Variants in SMAD2 observed in about 807,000 individuals in gnomAD.
SMAD2 encodes the protein MAD homolog 2.
SMAD2 carries 8 observed loss-of-function variants against 64.4 expected under a neutral mutation model. That is an observed-to-expected ratio of 0.12 (90% CI 0.07 to 0.22). The LOEUF is 0.22. SMAD2 is among the 10% of genes least tolerant of loss of function. SMAD2 has a pLI of 1.00. For synonymous variants in SMAD2, 203 were observed against 195.8 expected (o/e 1.04, Z -0.31); for missense variants, 289 against 561.2 (o/e 0.51, Z 4.90).
rs1912523903 is a variant in SMAD2 at position 47,820,265 on chromosome 18, G to A, written c.*21562C>T. 6.6e-6 allele frequency: 1 copy of A among 152,136 alleles called. No individual in the cohort carries two copies. Among genetic ancestry groups the A allele is most frequent in the Admixed American group, 6.5e-5 (1 of 15,278 alleles). The allele number at this position is 152,136 out of a possible 1,614,324, so 9.4% of individuals were successfully genotyped here. A position where few individuals can be genotyped will look rare whatever the true frequency, so the allele number is the denominator to read the frequency against. ...ATAATATGGTTCTCATTTATAAAAT[G>A]CTGATATAACACTTCAAAATTTTGC... On this transcript the variant is annotated 3_prime_UTR_variant, in exon 11 of 11. Coordinates refer to ENST00000262160, the MANE Select transcript of SMAD2 (RefSeq NM_005901.6).
intron 5 of SMAD2, among the ~76,000 whole-genome samples, chr18:47,867,827 G>A (rs1419840806): frequency 1.3e-5 from 2 of 152,064 alleles, no homozygotes; most frequent in East Asian, 1.9e-4. Flanking sequence ...GAGGTTTTCT[G>A]ACGTTCGTGT....
intron 6 of SMAD2, among the ~76,000 whole-genome samples, chr18:47,852,951 G>C (rs2030267720): frequency 6.6e-6 from 1 of 152,016 alleles, no homozygotes; most frequent in Non-Finnish European, 1.5e-5. Context: ...TTTCTTTTAT[G>C]ATCATCATTC....
chr18:47,918,399 G>A (rs561325899), intron 1 of SMAD2, among the ~76,000 whole-genome samples: 19 of 152,082 alleles, frequency 1.2e-4, no homozygotes, highest in Non-Finnish European at 1.8e-4. Flanking sequence ...GTACCTGACC[G>A]ACCCAGGAGG....
At chr18:47,899,909 C>G (rs997979902) in intron 1 of SMAD2, among the ~76,000 whole-genome samples, 1 of 152,032 alleles carries the variant, frequency 6.6e-6, no homozygotes, top group African/African-American at 2.4e-5. Flanking sequence ...CTTTAAGAAC[C>G]CATAAACAGT....
chr18:47,838,296 T>G lies in SMAD2; in HGVS notation c.*3531A>C, dbSNP rs1018258994. 4 of 233,088 alleles carry G rather than the reference T, an allele frequency of 1.7e-5. No individual in the cohort carries two copies. The highest frequency in any genetic ancestry group is 8.8e-5 in the African/African-American group (4 of 45,338). 14.4% of individuals were successfully genotyped at this position (233,088 alleles called of 1,614,324 possible). ...AAAATACAACTAGGTATTAAACAAT[T>G]TGTAAAAACTTACAAAGAAAATTTA... On this transcript the variant is annotated 3_prime_UTR_variant, in exon 11 of 11. Transcript: ENST00000262160.
chr18:47,925,781 A>G (rs2034737920), intron 1 of SMAD2, among the ~76,000 whole-genome samples: 1 of 152,242 alleles, frequency 6.6e-6, no homozygotes, highest in South Asian at 2.1e-4. Context: ...ACCAATAATT[A>G]TCTGATGGTG....
intron 1 of SMAD2, among the ~76,000 whole-genome samples, chr18:47,920,577 T>C (rs1166233096): frequency 6.6e-6 from 1 of 152,186 alleles, no homozygotes; most frequent in Non-Finnish European, 1.5e-5. Flanking sequence ...AAAGCACAAC[T>C]GGGCAGCAGG....
At chr18:47,927,499 G>A (rs550863118) in intron 1 of SMAD2, among the ~76,000 whole-genome samples, 9 of 152,214 alleles carry the variant, frequency 5.9e-5, no homozygotes, top group Non-Finnish European at 2.9e-5. Flanking sequence ...CTCCATTAAG[G>A]AACAGGGGTG....
In SMAD2 at chr18:47,845,643, G is replaced by C. The variant is rs1335343098; in HGVS notation, c.1135+20C>G. 6.2e-7 allele frequency: 1 copy of C among 1,613,180 alleles called. No individual in the cohort carries two copies. ...AAGCAAGTTGACATGATAGGTTTAT[G>C]TACATTATTGAATCCATACCTGGTG... is the stretch of plus-strand genomic sequence containing the variant. On this transcript the variant is annotated intron_variant, in intron 9 of 10. Coordinates refer to ENST00000262160, the MANE Select transcript of SMAD2 (RefSeq NM_005901.6).
In SMAD2 at chr18:47,832,602, A is replaced by C. The variant is rs537689674; in HGVS notation, c.*9225T>G. On this transcript the variant is annotated 3_prime_UTR_variant, in exon 11 of 11. Transcript: ENST00000262160. The stretch of plus-strand genomic sequence containing the variant: ...CTGAATTCTTGCAAGGCACAAAGGA[A>C]GTGTGGCTGACCTAAATATTTCTCA... 1.3e-5 allele frequency: 2 copies of C among 152,312 alleles called. No individual in the cohort carries two copies. The highest frequency in any genetic ancestry group is 3.9e-4 in the East Asian group (2 of 5,186). 9.4% of individuals were successfully genotyped at this position (152,312 alleles called of 1,614,324 possible). A position where few individuals can be genotyped will look rare whatever the true frequency, so the allele number is the denominator to read the frequency against.
At chr18:47,854,730 G>C (rs184850868) in intron 6 of SMAD2, among the ~76,000 whole-genome samples, 1 of 151,712 alleles carries the variant, frequency 6.6e-6, no homozygotes, top group Non-Finnish European at 1.5e-5. Flanking sequence ...GTAGTTTCAA[G>C]ATCACAGCAA....
intron 1 of SMAD2, among the ~76,000 whole-genome samples, chr18:47,916,676 A>ACCATG (rs2144529537): frequency 6.6e-6 from 1 of 152,314 alleles, no homozygotes; most frequent in African/African-American, 2.4e-5. Context: ...AGTGGTAGCC[A>ACCATG]CCATGCCCCG....
Position 47,837,769 on chromosome 18 carries a change from C to T in SMAD2, c.*4058G>A, listed in dbSNP as rs1217735461. ...TCGATCAGAGTAAGAAAAAAGTATT[C>T]ATTGTTCATGTCCACAGACTAGATA... On this transcript the variant is annotated 3_prime_UTR_variant, in exon 11 of 11. Coordinates refer to ENST00000262160, the MANE Select transcript of SMAD2 (RefSeq NM_005901.6). The T allele has an allele frequency of 8.6e-6, 2 of 232,622 alleles. No individual in the cohort carries two copies. The highest frequency in any genetic ancestry group is 5.6e-5 in the Admixed American group (1 of 17,738). 14.4% of individuals were successfully genotyped at this position (232,622 alleles called of 1,614,324 possible).
chr18:47,914,411 C>T (rs888659938), intron 1 of SMAD2, among the ~76,000 whole-genome samples: 2 of 152,106 alleles, frequency 1.3e-5, no homozygotes, highest in Non-Finnish European at 2.9e-5. Flanking sequence ...TCCTAAGAAC[C>T]AACTGGGGTT....
chr18:47,851,558 C>T (rs1243009822), intron 6 of SMAD2, among the ~76,000 whole-genome samples: 1 of 152,108 alleles, frequency 6.6e-6, no homozygotes, highest in African/African-American at 2.4e-5. Context: ...TCTAGCCCAA[C>T]AGTTCATCTT....
rs1912507880 is a variant in SMAD2, at chr18:47,819,818, ATT to A, written c.*22007_*22008del. 6.8e-6 allele frequency: 1 copy of A among 146,744 alleles called. No individual in the cohort carries two copies. The highest frequency in any genetic ancestry group is 1.5e-5 in the Non-Finnish European group (1 of 67,120). 9.1% of individuals were successfully genotyped at this position (146,744 alleles called of 1,614,324 possible). The stretch of plus-strand genomic sequence containing the variant: ...CTCAAAAAAAAAAAAAAAAAAAAGA[ATT>A]GGATGGATTATAAACGGGATAAGCA... On this transcript the variant is annotated 3_prime_UTR_variant, in exon 11 of 11. Transcript: ENST00000262160.
rs149159137 is a variant in SMAD2 at position 47,890,570 on chromosome 18, A to C, written c.236+5951T>G. 4.4e-4 allele frequency among the ~76,000 whole-genome samples: 67 copies of C among 152,318 alleles called. 1 individual carries two copies. The highest frequency in any genetic ancestry group is 1.6e-3 in the African/African-American group (65 of 41,580). On this transcript the variant is annotated intron_variant, in intron 2 of 10. Transcript: ENST00000262160. The stretch of plus-strand genomic sequence containing the variant: ...CATTTACATTATTTCAATGGACCCA[A>C]AAGTCATACTGTGAAAGTACTCAGA...
intron 6 of SMAD2, 25 bp downstream of exon 6, chr18:47,865,034 G>GA (rs1220522631): frequency 2.2e-6 from 3 of 1,376,472 alleles, no homozygotes; most frequent in Admixed American, 1.7e-5. Flanking sequence ...AATAACTGAG[G>GA]AATTTTCAAA....
chr18:47,877,898 G>T (rs1409472805), intron 2 of SMAD2, among the ~76,000 whole-genome samples: 4 of 152,154 alleles, frequency 2.6e-5, no homozygotes, highest in Non-Finnish European at 5.9e-5. Context: ...TAGCTAATAA[G>T]TGCTCACATT....
Sources: allele counts gnomAD v4.1 joint callset (sites outside exome capture counted in the v4.1 genomes callset), GRCh38; gene constraint gnomAD v4.1.1; transcripts MANE v1.5; gene names NCBI Gene and HGNC (gene_info 2026-07-23, HGNC 2026-07-21).